THUMPD2: variants seen among roughly 807,000 people sequenced by gnomAD.
THUMPD2 encodes U6 snRNA (guanine-N(2))-methyltransferase THUMPD2.
A neutral mutation model predicts 49.4 loss-of-function variants in THUMPD2; 56 were observed. That is an observed-to-expected ratio of 1.13 (90% confidence interval 0.91 to 1.41). The LOEUF (loss-of-function observed/expected upper bound fraction) is 1.41, where lower values mean the gene tolerates loss of function less well. Ranked by LOEUF, THUMPD2 falls within the 40% of genes most tolerant of loss-of-function variation. The pLI is 0.00. For missense variants in THUMPD2, 709 were observed against 594.5 expected, an observed-to-expected ratio of 1.19 and a Z score of -2.00; for synonymous variants, 237 against 205.2, an observed-to-expected ratio of 1.15 and a Z score of -1.32.
intron 8 of THUMPD2, among the ~76,000 whole-genome samples, chr2:39,747,076 T>TA (rs1385828844): frequency 6.6e-6 from 1 of 152,174 alleles, no homozygotes; most frequent in East Asian, 1.9e-4. Flanking sequence ...CCAAAGGACT[T>TA]AGTGTGAAAT....
intron 4 of THUMPD2, among the ~76,000 whole-genome samples, chr2:39,766,505 G>A (rs1379710505): frequency 6.6e-6 from 1 of 152,126 alleles, no homozygotes; most frequent in Non-Finnish European, 1.5e-5. Context: ...ACTATCAGAG[G>A]CTGCAAATAC....
chr2:39,778,726 CAAG>C, intron 1 of THUMPD2, among the ~76,000 whole-genome samples: 1 of 152,184 alleles, frequency 6.6e-6, no homozygotes, highest in Non-Finnish European at 1.5e-5. Flanking sequence ...CAATCACTGT[CAAG>C]AAACTAACAA....
intron 8 of THUMPD2, among the ~76,000 whole-genome samples, chr2:39,753,113 C>G (rs1484792393): frequency 1.3e-5 from 2 of 152,170 alleles, no homozygotes; most frequent in Non-Finnish European, 2.9e-5. Context: ...CAAAAAAACC[C>G]CTGCTTGATC....
intron 1 of THUMPD2, among the ~76,000 whole-genome samples, chr2:39,777,304 G>A (rs1377083573): frequency 1.3e-5 from 2 of 152,112 alleles, no homozygotes; most frequent in African/African-American, 2.4e-5. Context: ...TATAAGATCT[G>A]CACACAGGTC....
intron 5 of THUMPD2, among the ~76,000 whole-genome samples, chr2:39,765,393 C>G (rs553561793): frequency 8.6e-5 from 13 of 151,996 alleles, no homozygotes; most frequent in African/African-American, 3.1e-4. Flanking sequence ...CTTCTGACCT[C>G]GTGATCTGCC....
chr2:39,757,754 T>C (rs1032831558), intron 6 of THUMPD2, among the ~76,000 whole-genome samples: 4 of 152,208 alleles, frequency 2.6e-5, no homozygotes, highest in African/African-American at 9.6e-5. Flanking sequence ...TGTTATGATA[T>C]GTAGGAAGGA....
intron 1 of THUMPD2, among the ~76,000 whole-genome samples, chr2:39,773,438 T>C (rs866724332): frequency 2.4e-4 from 36 of 151,532 alleles, no homozygotes; most frequent in Middle Eastern, 3.4e-3. Flanking sequence ...GTGATCTAGA[T>C]ATTTAGTTAC....
chr2:39,742,192 T>A (rs1458702652), intron 9 of THUMPD2, among the ~76,000 whole-genome samples: 1 of 151,366 alleles, frequency 6.6e-6, no homozygotes, highest in Non-Finnish European at 1.5e-5. Flanking sequence ...CTTCAAACCA[T>A]AAAAAAAACA....
chr2:39,750,763 C>T (rs1675295486), intron 8 of THUMPD2, among the ~76,000 whole-genome samples: 1 of 152,124 alleles, frequency 6.6e-6, no homozygotes, highest in Non-Finnish European at 1.5e-5. Context: ...AATGCTAGAT[C>T]CCTCTATAAA....
chr2:39,761,985 C>T (rs1001492448), intron 5 of THUMPD2, among the ~76,000 whole-genome samples: 3 of 152,300 alleles, frequency 2.0e-5, no homozygotes, highest in East Asian at 3.9e-4. Context: ...AATGAGTTCA[C>T]TGGTCTCCAA....
intron 8 of THUMPD2, among the ~76,000 whole-genome samples, chr2:39,751,747 C>A (rs966989810): frequency 1.1e-4 from 16 of 142,374 alleles, no homozygotes; most frequent in African/African-American, 4.3e-4. Context: ...TGCTGTGGCA[C>A]AATCTAGGGT....
Position 39,766,045 on chromosome 2 carries a change from T to C in THUMPD2, c.803+12A>G, listed in dbSNP as rs41280641. On this transcript the variant is annotated intron_variant, in intron 5 of 9. Transcript: ENST00000505747. ...TGTCTTATGGGACAAACCGGAAGCT[T>C]AGAATATCTACCTGAACACAGGAAT... 8.9e-6 allele frequency: 14 copies of C among 1,571,428 alleles called. No individual in the cohort carries two copies. The highest frequency in any genetic ancestry group is 1.2e-5 in the Non-Finnish European group (14 of 1,163,968).
rs913528576 is a variant in THUMPD2, at chr2:39,756,104, G to A, written c.892-144C>T. 67 of 683,340 alleles carry A rather than the reference G, an allele frequency of 9.8e-5. 2 individuals are homozygous for A. The African/African-American group carries it at 1.1e-3, about 11-fold the overall frequency. 42.3% of individuals were successfully genotyped at this position (683,340 alleles called of 1,614,324 possible). A position where few individuals can be genotyped will look rare whatever the true frequency, so the allele number is the denominator to read the frequency against. On this transcript the variant is annotated intron_variant, in intron 6 of 9. Transcript: ENST00000505747. ...TGGCTGAAGGGACAGATGGGTTCAGGGGAGGGTTTTTATTTTTTTAAGTTG... is the reference window on the plus strand; with the variant it reads ...TGGCTGAAGGGACAGATGGGTTCAGAGGAGGGTTTTTATTTTTTTAAGTTG...
intron 1 of THUMPD2, 137 bp downstream of exon 1, chr2:39,778,977 C>T: frequency 8.5e-7 from 1 of 1,179,088 alleles, no homozygotes; most frequent in Non-Finnish European, 1.1e-6. Flanking sequence ...GCCTGCCAGT[C>T]AACCTCGGGG....
intron 5 of THUMPD2, among the ~76,000 whole-genome samples, chr2:39,763,413 T>C (rs1459217120): frequency 6.6e-6 from 1 of 151,550 alleles, no homozygotes; most frequent in Admixed American, 6.6e-5. Flanking sequence ...TTGGGTACCA[T>C]ACTCTACCTC....
intron 3 of THUMPD2, chr2:39,768,829 GA>G: frequency 8.9e-7 from 1 of 1,128,896 alleles, no homozygotes; most frequent in South Asian, 1.4e-5. Context: ...GATGCAAGCT[GA>G]AAGATTAACT....
chr2:39,736,760 T>C lies in THUMPD2; in HGVS notation c.1487A>G (p.Lys496Arg). 1 of 1,614,010 alleles carries C rather than the reference T, an allele frequency of 6.2e-7. No homozygotes were observed. Among genetic ancestry groups the C allele is most frequent in the Non-Finnish European group, 8.5e-7 (1 of 1,179,944 alleles). Reference sequence around the variant, plus strand: ...CTACAGTCCAGAAGAGTGCGACTTCTTATATTTACATATGAACGCATCTGT... The same window carrying C: ...CTACAGTCCAGAAGAGTGCGACTTCCTATATTTACATATGAACGCATCTGT... The part of the protein sequence containing the change: ...GKTDAFICKY[K>R]KSHSSGL Residue 496 changes from lysine to arginine, a missense_variant, in exon 10 of 10, where the codon AAG becomes AGG. Transcript: ENST00000505747.
intron 3 of THUMPD2, chr2:39,768,991 G>C: frequency 7.7e-7 from 1 of 1,304,610 alleles, no homozygotes; most frequent in Non-Finnish European, 1.0e-6. Context: ...AACTGATGAG[G>C]TCTGGTGATG....
intron 2 of THUMPD2, among the ~76,000 whole-genome samples, chr2:39,771,262 G>A (rs1373494940): frequency 6.6e-6 from 1 of 152,038 alleles, no homozygotes; most frequent in Non-Finnish European, 1.5e-5. Flanking sequence ...AATTCTCAAA[G>A]AAGAAATGTG....
Sources: gnomAD v4.1 joint callset for allele counts (sites outside exome capture counted in the v4.1 genomes callset) on GRCh38, gnomAD v4.1.1 for gene constraint, MANE v1.5 for transcripts, NCBI Gene and HGNC (gene_info 2026-07-23, HGNC 2026-07-21) for gene names.